JAKMIP2: variants seen among roughly 807,000 people sequenced by gnomAD.
JAKMIP2 encodes janus kinase and microtubule-interacting protein 2.
A neutral mutation model predicts 115.0 loss-of-function variants in JAKMIP2; 25 were observed. The ratio of observed to expected loss-of-function variants is 0.22; its 90% confidence interval spans 0.16 to 0.30. The LOEUF (loss-of-function observed/expected upper bound fraction) is 0.30. Among genes scored for constraint, JAKMIP2 ranks in the 10% least tolerant of loss-of-function variants. The probability of loss-of-function intolerance (pLI) is 1.00; values close to 1 mark genes in which losing one functional copy is unlikely to be tolerated. For synonymous variants in JAKMIP2, 334 were observed against 343.6 expected, an observed-to-expected ratio of 0.97 and a Z score of 0.31; for missense variants, 642 against 957.6, an observed-to-expected ratio of 0.67 and a Z score of 4.35.
At position 147,777,701 on chromosome 5, in the gene JAKMIP2, A is replaced by T. The variant is rs1350222537; in HGVS notation, c.-149+4755T>A. Reference sequence around the variant, plus strand: ...TTTAAAGAATAATTTTTTTAGTGTGACAGGTCCCATTTTTACTGCAAGCTA... The same window carrying T: ...TTTAAAGAATAATTTTTTTAGTGTGTCAGGTCCCATTTTTACTGCAAGCTA... On this transcript the variant is annotated intron_variant, in intron 1 of 21. Transcript: ENST00000616793. 3.3e-5 allele frequency among the ~76,000 whole-genome samples: 5 copies of T among 152,170 alleles called. No individual in the cohort carries two copies. In the South Asian group the frequency reaches 8.3e-4, roughly 25 times the overall value.
chr5:147,702,599 A>G (rs868400200), intron 1 of JAKMIP2, among the ~76,000 whole-genome samples: 14 of 118,144 alleles, frequency 1.2e-4, no homozygotes, highest in East Asian at 1.0e-3. Context: ...AAAGAAAGAA[A>G]GAAGGAAAGA....
At chr5:147,728,200 C>T (rs987631045) in intron 1 of JAKMIP2, among the ~76,000 whole-genome samples, 1 of 152,080 alleles carries the variant, frequency 6.6e-6, no homozygotes, top group Non-Finnish European at 1.5e-5. Flanking sequence ...ATACTTGGCT[C>T]TTTGCACATT....
At chr5:147,595,578 T>C (rs1755336650) in intron 21 of JAKMIP2, 1 of 454,088 alleles carries the variant, frequency 2.2e-6, no homozygotes, top group Non-Finnish European at 4.4e-6. Flanking sequence ...AATTACCTAG[T>C]CTCAGGTATT....
intron 1 of JAKMIP2, among the ~76,000 whole-genome samples, chr5:147,706,338 A>T (rs1161575196): frequency 6.6e-6 from 1 of 152,090 alleles, no homozygotes. Flanking sequence ...GTTGACCAGC[A>T]ATGCTTTTCA....
At chr5:147,670,717 T>A (rs1759536021) in intron 2 of JAKMIP2, among the ~76,000 whole-genome samples, 1 of 152,220 alleles carries the variant, frequency 6.6e-6, no homozygotes, top group African/African-American at 2.4e-5. Context: ...GCACATAATA[T>A]ACTTATCTAA....
intron 1 of JAKMIP2, among the ~76,000 whole-genome samples, chr5:147,676,210 C>T (rs1437509794): frequency 6.6e-6 from 1 of 152,216 alleles, no homozygotes; most frequent in African/African-American, 2.4e-5. Flanking sequence ...GCGGCCGGCG[C>T]CTGTAGTCCC....
chr5:147,782,224 A>G (rs1168975887), intron 1 of JAKMIP2, among the ~76,000 whole-genome samples: 2 of 152,140 alleles, frequency 1.3e-5, no homozygotes, highest in African/African-American at 4.8e-5. Flanking sequence ...ATTCTGAGCC[A>G]GTTAGAGATA....
At chr5:147,647,686 T>C (rs1269391063) in intron 5 of JAKMIP2, among the ~76,000 whole-genome samples, 1 of 152,190 alleles carries the variant, frequency 6.6e-6, no homozygotes, top group African/African-American at 2.4e-5. Flanking sequence ...TTGGAAAAGA[T>C]ATGGAGAAAC....
intron 1 of JAKMIP2, among the ~76,000 whole-genome samples, chr5:147,735,293 A>T (rs17107260): frequency 6.6e-6 from 1 of 152,122 alleles, no homozygotes; most frequent in African/African-American, 2.4e-5. Flanking sequence ...CGCTCTTCAA[A>T]TGTTGCTTAT....
chr5:147,614,323 G>A (rs968372671), intron 19 of JAKMIP2, among the ~76,000 whole-genome samples: 1 of 152,220 alleles, frequency 6.6e-6, no homozygotes, highest in Non-Finnish European at 1.5e-5. Context: ...CCAATTCCTA[G>A]TGCAGTGTTA....
intron 13 of JAKMIP2, among the ~76,000 whole-genome samples, chr5:147,632,046 A>G (rs1757385928): frequency 6.6e-6 from 1 of 152,170 alleles, no homozygotes; most frequent in Non-Finnish European, 1.5e-5. Context: ...ATCAACATAC[A>G]CTGAACCAGA....
intron 1 of JAKMIP2, among the ~76,000 whole-genome samples, chr5:147,757,049 T>G (rs74727713): frequency 0.11 from 16,975 of 152,150 alleles, 1,174 homozygotes; most frequent in Middle Eastern, 0.19. Context: ...GAATTAATGT[T>G]GCTGATCATG....
intron 17 of JAKMIP2, among the ~76,000 whole-genome samples, chr5:147,622,829 T>C (rs1248537235): frequency 6.6e-6 from 1 of 152,198 alleles, no homozygotes; most frequent in Non-Finnish European, 1.5e-5. Flanking sequence ...GCAACCACCA[T>C]ACTTTTTTTC....
intron 21 of JAKMIP2, chr5:147,594,560 C>T (rs1273925188): frequency 1.4e-5 from 5 of 350,130 alleles, no homozygotes; most frequent in Admixed American, 2.6e-5. Context: ...TCTTAAACTC[C>T]TGGGCTCAAG....
rs1031853019 is a variant in JAKMIP2 at position 147,633,209 on chromosome 5, A to G, written c.1678-431T>C. ...ATACACAAAACTTTGCTGAATTTCA[A>G]TTACTACAGAAGAAACCAGCTCTTT... On this transcript the variant is annotated intron_variant, in intron 12 of 21. Coordinates refer to ENST00000616793, the MANE Select transcript of JAKMIP2 (RefSeq NM_001270941.2). 3.9e-5 allele frequency among the ~76,000 whole-genome samples: 6 copies of G among 152,206 alleles called. No individual in the cohort carries two copies. The South Asian group carries it at 6.2e-4, about 16-fold the overall frequency.
chr5:147,759,844 G>A (rs1049250140), intron 1 of JAKMIP2, among the ~76,000 whole-genome samples: 1 of 152,046 alleles, frequency 6.6e-6, no homozygotes, highest in African/African-American at 2.4e-5. Context: ...TCTCTGTGAG[G>A]AGAATTTACC....
chr5:147,771,174 T>G (rs1001934064), intron 1 of JAKMIP2, among the ~76,000 whole-genome samples: 7 of 152,162 alleles, frequency 4.6e-5, no homozygotes, highest in African/African-American at 1.7e-4. Flanking sequence ...GGAAAGTAGT[T>G]TAGCTTATTT....
chr5:147,754,439 T>C (rs981333012), intron 1 of JAKMIP2, among the ~76,000 whole-genome samples: 26 of 151,678 alleles, frequency 1.7e-4, no homozygotes, highest in African/African-American at 6.1e-4. Context: ...AATAGAAGGA[T>C]TACAAAATAC....
intron 1 of JAKMIP2, among the ~76,000 whole-genome samples, chr5:147,769,090 C>T (rs1755254353): frequency 6.6e-6 from 1 of 152,014 alleles, no homozygotes; most frequent in Non-Finnish European, 1.5e-5. Flanking sequence ...TAGTTCCTGC[C>T]TCAATGATAT....
Sources: gnomAD v4.1 joint callset for allele counts (sites outside exome capture counted in the v4.1 genomes callset) on GRCh38, gnomAD v4.1.1 for gene constraint, MANE v1.5 for transcripts, NCBI Gene and HGNC (gene_info 2026-07-23, HGNC 2026-07-21) for gene names.